The following AP3B1 variants were observed in gnomAD, a reference collection of about 807,000 sequenced individuals.
AP3B1 encodes the protein adaptor related protein complex 3 subunit beta 1, also known as AP-3 complex subunit beta-1.
AP3B1 carries 61 observed loss-of-function variants against 132.5 expected under a neutral mutation model. The ratio of observed to expected loss-of-function variants is 0.46; its 90% CI spans 0.37 to 0.57. The LOEUF is 0.57. AP3B1 is among the 20% of genes least tolerant of loss of function. The pLI is 0.00. For missense variants in AP3B1, 1,120 were observed against 1,289.4 expected, an observed-to-expected ratio of 0.87 and a Z score of 2.01; for synonymous variants, 388 against 438.3, an observed-to-expected ratio of 0.89 and a Z score of 1.43.
chr5:78,025,379 G>C (rs778572279), intron 24 of AP3B1, among the ~76,000 whole-genome samples: 5 of 151,934 alleles, frequency 3.3e-5, no homozygotes, highest in Middle Eastern at 3.4e-3. Flanking sequence ...CTGCTTGCAG[G>C]GGGTAGGGAA....
intron 6 of AP3B1, among the ~76,000 whole-genome samples, chr5:78,224,021 C>T (rs893345360): frequency 5.9e-5 from 9 of 152,210 alleles, no homozygotes; most frequent in African/African-American, 1.9e-4. Context: ...TTACTACTCT[C>T]CATGGTACTT....
intron 7 of AP3B1, among the ~76,000 whole-genome samples, chr5:78,184,511 C>G (rs895406945): frequency 5.3e-5 from 8 of 151,630 alleles, no homozygotes; most frequent in Non-Finnish European, 1.0e-4. Context: ...ACGGTGAAAC[C>G]CCGCCTCTAC....
At chr5:78,285,184 G>A (rs1261123232) in intron 1 of AP3B1, among the ~76,000 whole-genome samples, 3 of 151,562 alleles carry the variant, frequency 2.0e-5, no homozygotes, top group Non-Finnish European at 4.4e-5. Flanking sequence ...GGGAGGCGGA[G>A]CTTGCAGTGA....
At position 78,122,857 on chromosome 5, in the gene AP3B1, A is replaced by G. The variant is rs977937236; in HGVS notation, c.1968+5173T>C. On this transcript the variant is annotated intron_variant, in intron 17 of 26. Transcript: ENST00000255194. Reference sequence around the variant, plus strand: ...ATTGGAAAAAACTACTTTAAAGTTCATATGGAACCAAGAAAGAGTCCGCAT... The same window carrying G: ...ATTGGAAAAAACTACTTTAAAGTTCGTATGGAACCAAGAAAGAGTCCGCAT... Among the ~76,000 whole-genome samples, 28 of 152,246 alleles carry G rather than the reference A, an allele frequency of 1.8e-4. 1 individual carries two copies. Among genetic ancestry groups the G allele is most frequent in the Admixed American group, 1.8e-3 (28 of 15,290 alleles).
chr5:78,155,263 C>G (rs1285606559), intron 14 of AP3B1, among the ~76,000 whole-genome samples: 2 of 152,160 alleles, frequency 1.3e-5, no homozygotes, highest in African/African-American at 4.8e-5. Context: ...TGTGCTCTCC[C>G]TCCCCCTAGT....
At chr5:78,027,552 GAAGTTTGTC>G (rs1218050817) in intron 24 of AP3B1, among the ~76,000 whole-genome samples, 3 of 151,976 alleles carry the variant, frequency 2.0e-5, no homozygotes, top group Non-Finnish European at 4.4e-5. Context: ...CTGAATGTTA[GAAGTTTGTC>G]AAGTTTCTTG....
intron 18 of AP3B1, among the ~76,000 whole-genome samples, chr5:78,114,340 C>T (rs3756595): frequency 0.035 from 5,316 of 152,084 alleles, 190 homozygotes; most frequent in East Asian, 0.14. Context: ...AAGAAGGCAA[C>T]AGTTGAATCT....
chr5:78,061,667 G>GCTT (rs746303145), intron 22 of AP3B1, among the ~76,000 whole-genome samples: 3 of 152,192 alleles, frequency 2.0e-5, no homozygotes, highest in Non-Finnish European at 4.4e-5. Context: ...CAGCAGCACT[G>GCTT]TCAGCGCGCA....
chr5:78,111,473 A>G (rs1751590142), intron 19 of AP3B1, among the ~76,000 whole-genome samples: 1 of 152,140 alleles, frequency 6.6e-6, no homozygotes, highest in Admixed American at 6.5e-5. Context: ...AATACAGTAT[A>G]ATAAGTAATA....
chr5:78,135,986 C>T (rs953386033), intron 15 of AP3B1, among the ~76,000 whole-genome samples: 16 of 147,300 alleles, frequency 1.1e-4, no homozygotes, highest in African/African-American at 3.7e-4. Context: ...ACTCTTGATA[C>T]TTATTTCTAA....
chr5:78,046,245 G>A (rs180974509), intron 22 of AP3B1, among the ~76,000 whole-genome samples: 4 of 152,252 alleles, frequency 2.6e-5, no homozygotes, highest in Non-Finnish European at 2.9e-5. Flanking sequence ...AAGCATTACC[G>A]CCTGAGCTCT....
intron 1 of AP3B1, among the ~76,000 whole-genome samples, chr5:78,288,861 A>C (rs78814590): frequency 0.042 from 6,333 of 152,174 alleles, 180 homozygotes; most frequent in Non-Finnish European, 0.063. Flanking sequence ...ACAATGAGAT[A>C]AAGTTTAAAT....
At chr5:78,117,346 G>A (rs893988675) in intron 17 of AP3B1, among the ~76,000 whole-genome samples, 5 of 148,410 alleles carry the variant, frequency 3.4e-5, no homozygotes, top group Admixed American at 1.4e-4. Context: ...GTCTCGCTCC[G>A]TCGCCCAGGC....
chr5:78,284,945 A>G (rs1749206476), intron 1 of AP3B1, among the ~76,000 whole-genome samples: 2 of 152,084 alleles, frequency 1.3e-5, no homozygotes, highest in Non-Finnish European at 2.9e-5. Flanking sequence ...CTGCTCTTCT[A>G]TACTTAAAAA....
chr5:78,291,091 T>G (rs1213144242), intron 1 of AP3B1, among the ~76,000 whole-genome samples: 1 of 152,204 alleles, frequency 6.6e-6, no homozygotes, highest in Non-Finnish European at 1.5e-5. Flanking sequence ...AGCCATCTAA[T>G]TCTGCTTCTG....
intron 1 of AP3B1, among the ~76,000 whole-genome samples, chr5:78,268,017 A>C (rs544757296): frequency 7.2e-5 from 11 of 152,330 alleles, no homozygotes; most frequent in Admixed American, 7.2e-4. Context: ...CATAAAATTA[A>C]ATGCAATGGT....
Position 78,224,177 on chromosome 5 carries a change from C to A in AP3B1, c.603+1365G>T, listed in dbSNP as rs142792557. Among the ~76,000 whole-genome samples, 45 of 152,174 alleles carry A rather than the reference C, an allele frequency of 3.0e-4. 1 individual carries two copies. Among genetic ancestry groups the A allele is most frequent in the Middle Eastern group, 3.4e-3 (1 of 294 alleles). On this transcript the variant is annotated intron_variant, in intron 6 of 26. Transcript: ENST00000255194. ...CAGAAGACAAAAAGGAATCAAATTT[C>A]TTTTCTCTATCTTCATTTATAATCA... is the stretch of plus-strand genomic sequence containing the variant.
At chr5:78,270,509 G>C (rs1027088385) in intron 1 of AP3B1, among the ~76,000 whole-genome samples, 1 of 152,154 alleles carries the variant, frequency 6.6e-6, no homozygotes, top group African/African-American at 2.4e-5. Context: ...ACGAAGGGAA[G>C]GCTGGACCTT....
At chr5:78,201,901 G>T (rs561176541) in intron 7 of AP3B1, among the ~76,000 whole-genome samples, 2 of 152,242 alleles carry the variant, frequency 1.3e-5, no homozygotes, top group South Asian at 4.1e-4. Flanking sequence ...CTACACAGGG[G>T]AGGAGGAGCG....
Sources: gnomAD v4.1 joint callset for allele counts (sites outside exome capture counted in the v4.1 genomes callset) on GRCh38, gnomAD v4.1.1 for gene constraint, MANE v1.5 for transcripts, NCBI Gene and HGNC (gene_info 2026-07-23, HGNC 2026-07-21) for gene names.